Variants in CEP112 observed in about 807,000 individuals in gnomAD.
CEP112 encodes the protein centrosomal protein of 112 kDa.
Under a neutral mutation model 153.0 loss-of-function variants are expected in CEP112, and 127 were observed. The ratio of observed to expected loss-of-function variants is 0.83; its 90% CI spans 0.72 to 0.96. The LOEUF (loss-of-function observed/expected upper bound fraction) is 0.96. Ranked by LOEUF, CEP112 falls within the 40% of genes least tolerant of loss-of-function variation. CEP112 has a pLI of 0.00. For synonymous variants in CEP112, 358 were observed against 374.4 expected, an observed-to-expected ratio of 0.96 and a Z score of 0.51; for missense variants, 1,089 against 1,101.2, an observed-to-expected ratio of 0.99 and a Z score of 0.16.
intron 4 of CEP112, among the ~76,000 whole-genome samples, chr17:66,168,433 GTATATATATGTGTGTGTATA>G (rs1465409289): frequency 2.0e-5 from 3 of 147,100 alleles, no homozygotes; most frequent in East Asian, 2.0e-4. Flanking sequence ...GTATATATAT[GTATATATATGTGTGTGTATA>G]TATGTATATG....
chr17:65,733,203 G>T lies in CEP112; in HGVS notation c.2607+9865C>A, dbSNP rs147313199. Among the ~76,000 whole-genome samples the T allele has an allele frequency of 4.4e-3, 665 of 152,274 alleles. 28 individuals are homozygous for T. Among genetic ancestry groups the T allele is most frequent in the Admixed American group, 0.039 (592 of 15,296 alleles). On this transcript the variant is annotated intron_variant, in intron 23 of 26. Coordinates refer to ENST00000535342, the MANE Select transcript of CEP112 (RefSeq NM_001199165.4). ...AAGCCCAAGGAGATGGAGAGAGATGGGGGAATGGCCAGGAAGTGGAGCAGT... is the reference window on the plus strand; with the variant it reads ...AAGCCCAAGGAGATGGAGAGAGATGTGGGAATGGCCAGGAAGTGGAGCAGT...
chr17:66,027,644 T>C (rs1297969547), intron 15 of CEP112, 84 bp from the exon 16 acceptor site: 3 of 973,944 alleles, frequency 3.1e-6, no homozygotes, highest in Non-Finnish European at 4.2e-6. Context: ...AATCAATCAA[T>C]CTACTTAATG....
At chr17:66,163,477 T>C (rs568877805) in intron 4 of CEP112, among the ~76,000 whole-genome samples, 1 of 152,070 alleles carries the variant, frequency 6.6e-6, no homozygotes, top group South Asian at 2.1e-4. Flanking sequence ...AAGTATCAAA[T>C]AATGCTGAAA....
intron 21 of CEP112, among the ~76,000 whole-genome samples, chr17:65,842,185 T>C (rs1389291428): frequency 6.6e-6 from 1 of 152,196 alleles, no homozygotes; most frequent in East Asian, 1.9e-4. Flanking sequence ...ATTAGAATAC[T>C]AAAAATTAGG....
At chr17:65,775,657 C>T (rs2053636247) in intron 21 of CEP112, among the ~76,000 whole-genome samples, 1 of 152,128 alleles carries the variant, frequency 6.6e-6, no homozygotes, top group South Asian at 2.1e-4. Context: ...CATGTGCCAC[C>T]ACACCCGGCT....
intron 2 of CEP112, among the ~76,000 whole-genome samples, chr17:66,179,073 C>T (rs1218136772): frequency 6.6e-6 from 1 of 152,114 alleles, no homozygotes; most frequent in Admixed American, 6.6e-5. Flanking sequence ...ACGCCAGTAC[C>T]ATGATGGTTT....
chr17:65,689,455 A>G (rs2047988041), intron 23 of CEP112, among the ~76,000 whole-genome samples: 1 of 152,212 alleles, frequency 6.6e-6, no homozygotes. Flanking sequence ...GATGTCAATC[A>G]TATATTAAAA....
chr17:65,985,747 G>A (rs1366883841), intron 17 of CEP112, among the ~76,000 whole-genome samples: 2 of 151,868 alleles, frequency 1.3e-5, no homozygotes, highest in Non-Finnish European at 2.9e-5. Flanking sequence ...AAAGCTAACC[G>A]TGTTCCACTG....
chr17:65,859,439 C>CAAAAAAAAA (rs57675567), intron 20 of CEP112, among the ~76,000 whole-genome samples: 7 of 93,594 alleles, frequency 7.5e-5, no homozygotes, highest in Non-Finnish European at 1.3e-4. Flanking sequence ...GACTCCATCT[C>CAAAAAAAAA]AAAAAAAAAA....
chr17:65,943,310 T>C (rs1394503077), intron 18 of CEP112, among the ~76,000 whole-genome samples: 1 of 152,174 alleles, frequency 6.6e-6, no homozygotes, highest in Non-Finnish European at 1.5e-5. Context: ...TGTATGTTAG[T>C]GTGGGTGAAG....
At chr17:65,766,043 T>A (rs952374520) in intron 21 of CEP112, among the ~76,000 whole-genome samples, 3 of 148,236 alleles carry the variant, frequency 2.0e-5, no homozygotes, top group African/African-American at 2.5e-5. Flanking sequence ...GTAAAGCAAT[T>A]CAAAATAAGA....
At chr17:65,640,154 A>ATTTTTTTT (rs529025836) in intron 25 of CEP112, among the ~76,000 whole-genome samples, 95 of 78,298 alleles carry the variant, frequency 1.2e-3, no homozygotes, top group Non-Finnish European at 1.7e-3. Context: ...ATATATATAT[A>ATTTTTTTT]TTTTTTTTTT....
intron 23 of CEP112, among the ~76,000 whole-genome samples, chr17:65,723,394 T>G (rs2050003976): frequency 6.6e-6 from 1 of 152,214 alleles, no homozygotes; most frequent in African/African-American, 2.4e-5. Context: ...TAATTAGTTT[T>G]TTAGGCAGCA....
intron 21 of CEP112, among the ~76,000 whole-genome samples, chr17:65,821,490 ATATAATTATATATATAT>A (rs1366369022): frequency 7.6e-6 from 1 of 131,328 alleles, no homozygotes; most frequent in Non-Finnish European, 1.6e-5. Flanking sequence ...AAACTTATAT[ATATAATTATATATATAT>A]ATATAATTAT....
rs540666755 is a variant in CEP112, at chr17:66,091,296, A to T, written c.768+4955T>A. Among the ~76,000 whole-genome samples the T allele has an allele frequency of 2.6e-5, 4 of 152,264 alleles. No individual in the cohort carries two copies. In the East Asian group the frequency reaches 7.7e-4, roughly 29 times the overall value. The stretch of plus-strand genomic sequence containing the variant: ...CAGCATAGATCATATGTTAGTTCAC[A>T]AAAGAAATCTTCACAAATTTAAGAA... On this transcript the variant is annotated intron_variant, in intron 8 of 26. Transcript: ENST00000535342.
intron 21 of CEP112, among the ~76,000 whole-genome samples, chr17:65,820,323 A>G (rs1205472233): frequency 6.6e-6 from 1 of 151,974 alleles, no homozygotes; most frequent in Non-Finnish European, 1.5e-5. Context: ...CCAGCATTGT[A>G]CCCTAAAGTA....
intron 4 of CEP112, among the ~76,000 whole-genome samples, chr17:66,168,531 ATATG>A (rs1432964749): frequency 1.2e-4 from 18 of 151,556 alleles, no homozygotes; most frequent in Admixed American, 5.3e-4. Flanking sequence ...ATATATGTAT[ATATG>A]TGTGTGTGTG....
chr17:65,980,755 C>T (rs906305679), intron 17 of CEP112, among the ~76,000 whole-genome samples: 2 of 152,148 alleles, frequency 1.3e-5, no homozygotes, highest in African/African-American at 4.8e-5. Context: ...CTTTCTGTTC[C>T]AGCTGGCTCA....
At chr17:66,149,248 T>C (rs2071057381) in intron 4 of CEP112, among the ~76,000 whole-genome samples, 1 of 152,248 alleles carries the variant, frequency 6.6e-6, no homozygotes, top group Non-Finnish European at 1.5e-5. Context: ...AGTATTTTCC[T>C]GAGGCCTTTG....
Sources: allele counts gnomAD v4.1 joint callset (sites outside exome capture counted in the v4.1 genomes callset), GRCh38; gene constraint gnomAD v4.1.1; transcripts MANE v1.5; gene names NCBI Gene and HGNC (gene_info 2026-07-23, HGNC 2026-07-21).